TMEM132C: variants seen among roughly 807,000 people sequenced by gnomAD.
TMEM132C encodes transmembrane protein 132C, also known as protein phosphatase 1, regulatory subunit 152.
A neutral mutation model predicts 61.4 loss-of-function variants in TMEM132C; 29 were observed. That is an observed-to-expected ratio of 0.47 (90% CI 0.35 to 0.64). The LOEUF (loss-of-function observed/expected upper bound fraction) is 0.64. Ranked by LOEUF, TMEM132C falls within the 30% of genes least tolerant of loss-of-function variation. The pLI is 0.00. For missense variants in TMEM132C, 1,408 were observed against 1,476.9 expected, an observed-to-expected ratio of 0.95 and a Z score of 0.76; for synonymous variants, 656 against 633.1, an observed-to-expected ratio of 1.04 and a Z score of -0.54.
At chr12:128,614,300 C>T (rs1876728649) in intron 3 of TMEM132C, among the ~76,000 whole-genome samples, 1 of 152,188 alleles carries the variant, frequency 6.6e-6, no homozygotes, top group Non-Finnish European at 1.5e-5. Flanking sequence ...TGCAATTACT[C>T]AACCATGTTC....
intron 2 of TMEM132C, among the ~76,000 whole-genome samples, chr12:128,489,933 G>A (rs1024216236): frequency 4.6e-5 from 7 of 152,074 alleles, no homozygotes; most frequent in South Asian, 2.1e-4. Context: ...TTTCGTCCAC[G>A]TGTATGCCAC....
intron 2 of TMEM132C, among the ~76,000 whole-genome samples, chr12:128,442,586 TAA>T (rs534900599): frequency 7.8e-5 from 11 of 140,678 alleles, no homozygotes; most frequent in Admixed American, 2.1e-4. Context: ...GTCAGTGTTT[TAA>T]AAAAAAAAAA....
intron 1 of TMEM132C, among the ~76,000 whole-genome samples, chr12:128,287,337 G>C (rs953197096): frequency 3.7e-4 from 57 of 152,202 alleles, no homozygotes; most frequent in African/African-American, 1.2e-3. Context: ...ATAATTTTAG[G>C]CTTTCAGAAA....
chr12:128,327,027 T>C (rs1872544195), intron 1 of TMEM132C, among the ~76,000 whole-genome samples: 2 of 149,934 alleles, frequency 1.3e-5, no homozygotes. Flanking sequence ...AACCTTTTTG[T>C]CTGTGTGCAG....
At chr12:128,456,367 T>C (rs78310965) in intron 2 of TMEM132C, among the ~76,000 whole-genome samples, 3 of 11,430 alleles carry the variant, frequency 2.6e-4, no homozygotes, top group African/African-American at 5.3e-4. Flanking sequence ...CTGATTAGCC[T>C]TTTTTTTTTT....
At chr12:128,686,721 C>T (rs757438300) in intron 5 of TMEM132C, among the ~76,000 whole-genome samples, 2 of 152,140 alleles carry the variant, frequency 1.3e-5, no homozygotes, top group African/African-American at 2.4e-5. Flanking sequence ...GGTGTTAGGT[C>T]CCAGGTATAC....
rs150789283 is a variant in TMEM132C, at chr12:128,271,770, A to G, written c.85+4283A>G. Among the ~76,000 whole-genome samples, 219 of 152,360 alleles carry G rather than the reference A, an allele frequency of 1.4e-3. 2 individuals are homozygous for G. The highest frequency in any genetic ancestry group is 4.7e-3 in the African/African-American group (195 of 41,596). The stretch of plus-strand genomic sequence containing the variant: ...ACTGTTCACAGTTAGCTTAATCACC[A>G]GGGTGGCTACAGTCATGCAGAGAAG... On this transcript the variant is annotated intron_variant, in intron 1 of 8. Coordinates refer to ENST00000435159, the MANE Select transcript of TMEM132C (RefSeq NM_001136103.3).
rs552838938 is a variant in TMEM132C at position 128,677,338 on chromosome 12, A to G, written c.1449+7778A>G. Among the ~76,000 whole-genome samples the G allele has an allele frequency of 2.4e-4, 37 of 152,340 alleles. No homozygotes were observed. The South Asian group carries it at 6.0e-3, about 25-fold the overall frequency. On this transcript the variant is annotated intron_variant, in intron 5 of 8. Coordinates refer to ENST00000435159, the MANE Select transcript of TMEM132C (RefSeq NM_001136103.3). ...CTGGTATGGGGGACACAGCAATTAA[A>G]TAGAACAGAAGCGGTCCCTGCCCTC... is the stretch of plus-strand genomic sequence containing the variant.
rs1304692206 is a variant in TMEM132C, at chr12:128,705,217, C to T, written c.2249C>T (p.Pro750Leu). 3 of 1,551,590 alleles carry T rather than the reference C, an allele frequency of 1.9e-6. No individual in the cohort carries two copies. Among genetic ancestry groups the T allele is most frequent in the African/African-American group, 2.7e-5 (2 of 73,060 alleles). Residue 750 changes from proline (P) to leucine (L), a missense_variant, in exon 9 of 9, where the codon CCC (proline) becomes CTC (leucine). Transcript: ENST00000435159. ...GAGGCTGTCGTGTCAGTCCCCCAGC[C>T]CCGCTCTCCCAGGTGGCCCGTTGTG... is the stretch of plus-strand genomic sequence containing the variant. ...QDEAVVSVPQ[P>L]RSPRWPVVVA...
chr12:128,415,460 G>A lies in TMEM132C; in HGVS notation c.814G>A (p.Val272Ile), dbSNP rs1683723. The part of the protein sequence containing the change: ...TTSHLQRIGT[V>I]GLYRAQDSAQ... ...GTCCCACCTGCAGAGGATCGGCACC[G>A]TCGGCCTTTACCGGGCCCAGGACAG... is the stretch of plus-strand genomic sequence containing the variant. The change falls in exon 2 of 9, where the codon GTC becomes ATC. Residue 272 changes from valine (V) to isoleucine (I), a missense_variant. Transcript: ENST00000435159. The surrounding 1 kb of genome is among the most constrained non-coding windows in gnomAD (Gnocchi z 5.8). 754,080 of 1,551,300 alleles carry A rather than the reference G, an allele frequency of 0.49. 188,382 individuals carry two copies. The highest frequency in any genetic ancestry group is 0.72 in the South Asian group (60,555 of 84,046).
chr12:128,555,028 G>A (rs1874287616), intron 3 of TMEM132C, among the ~76,000 whole-genome samples: 1 of 152,150 alleles, frequency 6.6e-6, no homozygotes, highest in Non-Finnish European at 1.5e-5. Flanking sequence ...TGGAACAGAA[G>A]CAGCTGCTGC....
intron 2 of TMEM132C, among the ~76,000 whole-genome samples, chr12:128,526,256 C>A (rs1003953038): frequency 2.0e-5 from 3 of 152,306 alleles, no homozygotes; most frequent in South Asian, 2.1e-4. Flanking sequence ...GGCTTATAGA[C>A]AACAGAATTT....
intron 1 of TMEM132C, among the ~76,000 whole-genome samples, chr12:128,310,146 A>C (rs1021567093): frequency 6.6e-6 from 1 of 152,182 alleles, no homozygotes; most frequent in African/African-American, 2.4e-5. Context: ...CCCTTTGACT[A>C]TTGTGAATAA....
chr12:128,307,168 G>A (rs988056164), intron 1 of TMEM132C, among the ~76,000 whole-genome samples: 3 of 152,118 alleles, frequency 2.0e-5, no homozygotes, highest in Non-Finnish European at 2.9e-5. Flanking sequence ...TAAGAGGCAA[G>A]GAGCTTCTAG....
At chr12:128,632,324 A>G (rs1339773344) in intron 4 of TMEM132C, among the ~76,000 whole-genome samples, 1 of 152,256 alleles carries the variant, frequency 6.6e-6, no homozygotes, top group Non-Finnish European at 1.5e-5. Context: ...TAAATACTAT[A>G]GAAAAATATT....
Position 128,630,808 on chromosome 12 carries a change from G to A in TMEM132C, c.1305+14473G>A, listed in dbSNP as rs1954059563. Among the ~76,000 whole-genome samples, 2 of 152,214 alleles carry A rather than the reference G, an allele frequency of 1.3e-5. No individual in the cohort carries two copies. The highest frequency in any genetic ancestry group is 6.5e-5 in the Admixed American group (1 of 15,290). On this transcript the variant is annotated intron_variant, in intron 4 of 8. Transcript: ENST00000435159. This position sits in a 1 kb window ranked among gnomAD's most constrained non-coding sequence, Gnocchi z 4.3. ...CCAGCACTTTGGGAGGCCGAGGCAG[G>A]CAGATCACAAGGTCAGGAAATCGAG...
chr12:128,324,569 C>T (rs1872443279), intron 1 of TMEM132C, among the ~76,000 whole-genome samples: 1 of 152,130 alleles, frequency 6.6e-6, no homozygotes, highest in African/African-American at 2.4e-5. Flanking sequence ...CATCAACAAT[C>T]ATGTTGTGGG....
chr12:128,597,582 A>C (rs2135571201), intron 3 of TMEM132C, among the ~76,000 whole-genome samples: 1 of 152,354 alleles, frequency 6.6e-6, no homozygotes, highest in African/African-American at 2.4e-5. Flanking sequence ...TCATTATCTT[A>C]TTATTAACTA....
chr12:128,359,091 C>G (rs781275180), intron 1 of TMEM132C, among the ~76,000 whole-genome samples: 4 of 152,166 alleles, frequency 2.6e-5, no homozygotes, highest in African/African-American at 4.8e-5. Flanking sequence ...AGGACTAGCT[C>G]AAGGTCACAA....
Sources: allele counts gnomAD v4.1 joint callset (sites outside exome capture counted in the v4.1 genomes callset), GRCh38; gene constraint gnomAD v4.1.1; non-coding constraint Gnocchi (gnomAD v3.1); transcripts MANE v1.5; gene names NCBI Gene and HGNC (gene_info 2026-07-23, HGNC 2026-07-21).